The following PPP1R9A variants were observed in gnomAD, a reference collection of about 807,000 sequenced individuals.
PPP1R9A encodes the protein neurabin-1.
In PPP1R9A, 59 loss-of-function variants were observed where a neutral mutation model predicts 141.9. The observed-to-expected ratio is 0.42, with a 90% CI of 0.34 to 0.52. PPP1R9A has a LOEUF of 0.52. Among genes scored for constraint, PPP1R9A ranks in the 20% least tolerant of loss-of-function variants. The pLI, the probability that PPP1R9A is intolerant of heterozygous loss-of-function variation, is 0.10. For synonymous variants in PPP1R9A, 500 were observed against 569.7 expected (o/e 0.88, Z 1.74); for missense variants, 1,444 against 1,611.9 (o/e 0.90, Z 1.78).
At chr7:94,926,871 G>A (rs570371569) in intron 2 of PPP1R9A, among the ~76,000 whole-genome samples, 15 of 152,098 alleles carry the variant, frequency 9.9e-5, no homozygotes, top group African/African-American at 3.6e-4. Context: ...CCAGAAAACA[G>A]TTTTTCATTT....
At chr7:94,984,617 A>G (rs183429177) in intron 2 of PPP1R9A, among the ~76,000 whole-genome samples, 12 of 152,226 alleles carry the variant, frequency 7.9e-5, no homozygotes, top group Admixed American at 1.3e-4. Flanking sequence ...ATTTATTTGC[A>G]TAGAGGTGTT....
At chr7:94,936,262 G>T (rs1009298232) in intron 2 of PPP1R9A, among the ~76,000 whole-genome samples, 5 of 152,016 alleles carry the variant, frequency 3.3e-5, no homozygotes, top group African/African-American at 1.2e-4. Context: ...AAATTGAAAA[G>T]GTTCTATTAG....
chr7:95,286,965 C>CTT (rs3214161), intron 18 of PPP1R9A: 10 of 762,356 alleles, frequency 1.3e-5, no homozygotes, highest in African/African-American at 3.6e-5. Context: ...ATTCACAAAA[C>CTT]TTTTTTTTTT....
At chr7:94,922,280 G>A (rs1269602556) in intron 2 of PPP1R9A, among the ~76,000 whole-genome samples, 1 of 151,828 alleles carries the variant, frequency 6.6e-6, no homozygotes, top group African/African-American at 2.4e-5. Context: ...CAATCCCTGC[G>A]CCAGTACTTA....
intron 16 of PPP1R9A, among the ~76,000 whole-genome samples, chr7:95,281,556 A>C (rs2153073821): frequency 1.3e-5 from 2 of 152,324 alleles, no homozygotes; most frequent in Admixed American, 1.3e-4. Flanking sequence ...GACAGTGAAA[A>C]TGTTGTGAGA....
chr7:95,216,305 G>C (rs1039822663), intron 7 of PPP1R9A, among the ~76,000 whole-genome samples: 11 of 152,132 alleles, frequency 7.2e-5, no homozygotes, highest in African/African-American at 2.7e-4. Flanking sequence ...TGAGGGCTCT[G>C]TTCTGTTCCA....
rs1031714113 is a variant in PPP1R9A, at chr7:94,911,502, T to C, written c.1389T>C (p.Pro463=). Residue 463 remains proline, a synonymous_variant, in exon 2 of 20, where the codon CCT becomes CCC. Transcript: ENST00000433360. ...ANRKIKFSSA[P]IKVFNTYSNE... ...GGAAAATTAAGTTTAGTAGTGCTCC[T>C]ATTAAGGTAAGTGTGTTTTCTCCAT... 4 of 1,601,750 alleles carry C rather than the reference T, an allele frequency of 2.5e-6. No homozygotes were observed. The highest frequency in any genetic ancestry group is 2.7e-5 in the African/African-American group (2 of 74,608).
At chr7:94,927,888 G>A (rs1793674417) in intron 2 of PPP1R9A, among the ~76,000 whole-genome samples, 1 of 152,178 alleles carries the variant, frequency 6.6e-6, no homozygotes, top group Admixed American at 6.5e-5. Context: ...ATCATGCAAT[G>A]TCTAGGGTGA....
chr7:95,217,510 T>A (rs1433578677), intron 7 of PPP1R9A, among the ~76,000 whole-genome samples: 4 of 152,168 alleles, frequency 2.6e-5, no homozygotes, highest in Admixed American at 6.5e-5. Context: ...GGATTCCCTC[T>A]TTTTCTATTG....
chr7:94,921,080 G>A (rs1405693150), intron 2 of PPP1R9A, among the ~76,000 whole-genome samples: 1 of 152,134 alleles, frequency 6.6e-6, no homozygotes, highest in Non-Finnish European at 1.5e-5. Context: ...TTTCAGGCTT[G>A]TGAAGAGTTT....
rs1329869810 is a variant in PPP1R9A at position 95,072,679 on chromosome 7, CATATTAT to C, written c.1396-38572_1396-38566del. Among the ~76,000 whole-genome samples, 303 of 112,634 alleles carry C rather than the reference CATATTAT, an allele frequency of 2.7e-3. 1 individual carries two copies. The highest frequency in any genetic ancestry group is 9.8e-3 in the African/African-American group (287 of 29,256). The allele number at this position is 112,634 out of a possible 152,430, so 73.9% of individuals were successfully genotyped here. On this transcript the variant is annotated intron_variant, in intron 2 of 19. Coordinates refer to ENST00000433360, the MANE Select transcript of PPP1R9A (RefSeq NM_001166160.2). The stretch of plus-strand genomic sequence containing the variant: ...AAAATATATATTATATATTATATTA[CATATTAT>C]ATATTATGTAATATAATATATAATA...
At chr7:95,154,347 G>A (rs189877250) in intron 4 of PPP1R9A, among the ~76,000 whole-genome samples, 133 of 151,902 alleles carry the variant, frequency 8.8e-4, no homozygotes, top group African/African-American at 2.8e-3. Flanking sequence ...CTTGTTACTG[G>A]TTTTTAGTTA....
chr7:95,028,719 G>T (rs1054304018), intron 2 of PPP1R9A, among the ~76,000 whole-genome samples: 2 of 152,130 alleles, frequency 1.3e-5, no homozygotes, highest in Non-Finnish European at 2.9e-5. Context: ...TGCTTGTTAC[G>T]TAAAGAACAT....
chr7:95,002,527 G>A (rs1173631768), intron 2 of PPP1R9A, among the ~76,000 whole-genome samples: 1 of 152,172 alleles, frequency 6.6e-6, no homozygotes, highest in Non-Finnish European at 1.5e-5. Flanking sequence ...TTTTAGGGAG[G>A]TGAGGAGAGC....
At chr7:95,159,694 C>T (rs903377220) in intron 4 of PPP1R9A, among the ~76,000 whole-genome samples, 9 of 151,988 alleles carry the variant, frequency 5.9e-5, no homozygotes, top group East Asian at 5.8e-4. Context: ...GAGGCCGAGG[C>T]GGGAAGATCA....
At chr7:95,049,264 C>T (rs1810457104) in intron 2 of PPP1R9A, among the ~76,000 whole-genome samples, 1 of 152,102 alleles carries the variant, frequency 6.6e-6, no homozygotes, top group Non-Finnish European at 1.5e-5. Flanking sequence ...AGGAATTGTT[C>T]CAATTTGTTT....
chr7:94,985,629 G>C (rs1800725121), intron 2 of PPP1R9A, among the ~76,000 whole-genome samples: 1 of 152,086 alleles, frequency 6.6e-6, no homozygotes, highest in African/African-American at 2.4e-5. Flanking sequence ...TGTTTTATCA[G>C]AGACTGGGAT....
At chr7:95,216,666 T>G (rs1793490634) in intron 7 of PPP1R9A, among the ~76,000 whole-genome samples, 1 of 152,294 alleles carries the variant, frequency 6.6e-6, no homozygotes, top group South Asian at 2.1e-4. Context: ...TAGTTCTCCT[T>G]GGGGAGGTCC....
At chr7:95,085,421 G>GTT (rs113775726) in intron 2 of PPP1R9A, among the ~76,000 whole-genome samples, 20 of 126,916 alleles carry the variant, frequency 1.6e-4, no homozygotes, top group East Asian at 6.6e-4. Context: ...AAAATTTTTG[G>GTT]TTTTTTTTTT....
Sources: allele counts gnomAD v4.1 joint callset (sites outside exome capture counted in the v4.1 genomes callset), GRCh38; gene constraint gnomAD v4.1.1; transcripts MANE v1.5; gene names NCBI Gene and HGNC (gene_info 2026-07-23, HGNC 2026-07-21).